Variants in CDH23 observed in about 807,000 individuals in gnomAD.
CDH23 encodes the protein cadherin-23.
Under a neutral mutation model 317.1 loss-of-function variants are expected in CDH23, and 189 were observed. The ratio of observed to expected loss-of-function variants is 0.60; its 90% confidence interval spans 0.53 to 0.67. The LOEUF (loss-of-function observed/expected upper bound fraction) is 0.67. Ranked by LOEUF, CDH23 falls within the 30% of genes least tolerant of loss-of-function variation. The probability of loss-of-function intolerance (pLI) is 0.00; values close to 1 mark genes in which losing one functional copy is unlikely to be tolerated. For missense variants in CDH23, 4,401 were observed against 4,592.4 expected, an observed-to-expected ratio of 0.96 and a Z score of 1.20; for synonymous variants, 1,839 against 1,876.8, an observed-to-expected ratio of 0.98 and a Z score of 0.52.
chr10:71,712,890 T>C, intron 28 of CDH23, 77 bp downstream of exon 28: 1 of 1,529,164 alleles, frequency 6.5e-7, no homozygotes, highest in Non-Finnish European at 8.9e-7. Flanking sequence ...GGGCACATGC[T>C]CAGTGGCACC....
At chr10:71,707,909 T>C (rs956577172) in intron 26 of CDH23, among the ~76,000 whole-genome samples, 2 of 152,152 alleles carry the variant, frequency 1.3e-5, no homozygotes, top group African/African-American at 2.4e-5. Context: ...ACAGCCCATC[T>C]GTGGCTTTGC....
intron 10 of CDH23, 107 bp from the exon 11 acceptor site, chr10:71,617,098 C>A: frequency 7.0e-7 from 1 of 1,421,764 alleles, no homozygotes; most frequent in Non-Finnish European, 9.5e-7. Flanking sequence ...TAGATGGGAT[C>A]ATTCACATTG....
chr10:71,761,758 G>A (rs750196284), intron 38 of CDH23: 19 of 1,614,038 alleles, frequency 1.2e-5, no homozygotes, highest in East Asian at 2.2e-5. Flanking sequence ...ACTCCAGCCC[G>A]TGGCGCTGAG....
chr10:71,683,165 A>T (rs1411564466), intron 18 of CDH23, among the ~76,000 whole-genome samples: 1 of 152,154 alleles, frequency 6.6e-6, no homozygotes, highest in African/African-American at 2.4e-5. Flanking sequence ...CCACACGGGG[A>T]TGCAGAGAGT....
chr10:71,728,925 G>A (rs550937771), intron 30 of CDH23, among the ~76,000 whole-genome samples: 1 of 152,160 alleles, frequency 6.6e-6, no homozygotes, highest in East Asian at 1.9e-4. Context: ...CAAACTCCTG[G>A]GCTCAAGCGA....
chr10:71,783,390 G>A (rs1238757782), intron 41 of CDH23, among the ~76,000 whole-genome samples: 1 of 152,214 alleles, frequency 6.6e-6, no homozygotes, highest in African/African-American at 2.4e-5. Context: ...AGTCCTGTGC[G>A]AGGCAATGGG....
intron 38 of CDH23, among the ~76,000 whole-genome samples, chr10:71,766,072 C>T (rs1231065539): frequency 1.3e-5 from 2 of 152,228 alleles, no homozygotes; most frequent in Non-Finnish European, 2.9e-5. Context: ...GCACGTGCCC[C>T]GCGGACTCCA....
At chr10:71,788,032 C>T (rs1329755465) in intron 44 of CDH23, among the ~76,000 whole-genome samples, 1 of 152,218 alleles carries the variant, frequency 6.6e-6, no homozygotes, top group Non-Finnish European at 1.5e-5. Context: ...TCCCTTTTCT[C>T]TGCATCCTCA....
chr10:71,652,299 A>T (rs1863212510), intron 14 of CDH23, among the ~76,000 whole-genome samples: 1 of 152,178 alleles, frequency 6.6e-6, no homozygotes, highest in South Asian at 2.1e-4. Context: ...GGGCCACAAG[A>T]CATCCAGGGA....
chr10:71,601,037 A>G (rs2132475394), intron 9 of CDH23, among the ~76,000 whole-genome samples: 1 of 152,256 alleles, frequency 6.6e-6, no homozygotes, highest in African/African-American at 2.4e-5. Context: ...CCAAATCTGT[A>G]GTTTTTTTCC....
intron 28 of CDH23, 47 bp from the exon 29 acceptor site, chr10:71,723,998 C>G (rs1185876296): frequency 3.2e-6 from 5 of 1,547,730 alleles, no homozygotes; most frequent in African/African-American, 1.4e-5. Flanking sequence ...TCTTCTCTCC[C>G]TGCTGGGTGG....
chr10:71,745,276 G>A (rs894189520), intron 38 of CDH23, among the ~76,000 whole-genome samples: 7 of 152,350 alleles, frequency 4.6e-5, no homozygotes, highest in East Asian at 1.9e-4. Context: ...CACCTGGGCC[G>A]AGTCTTGTTG....
At chr10:71,502,268 G>T (rs12570322) in intron 3 of CDH23, among the ~76,000 whole-genome samples, 3 of 152,206 alleles carry the variant, frequency 2.0e-5, no homozygotes, top group Admixed American at 2.0e-4. Flanking sequence ...AGTCCTTTTA[G>T]GTCACAGGTT....
At position 71,770,385 on chromosome 10, in the gene CDH23, T is replaced by A. The variant is rs146383072; in HGVS notation, c.4846-7295T>A. On this transcript the variant is annotated intron_variant, in intron 38 of 69. Transcript: ENST00000224721. ...GAGCAGTAAATGGCCATCTTGGGAT[T>A]TAAGCCTAGGTCTGAGTGACTCACA... Among the ~76,000 whole-genome samples the A allele has an allele frequency of 2.4e-3, 360 of 152,338 alleles. 1 individual carries two copies. The highest frequency in any genetic ancestry group is 7.0e-3 in the African/African-American group (292 of 41,572).
rs568921923 is a variant in CDH23, at chr10:71,607,121, C to G, written c.833-8383C>G. 4.7e-4 allele frequency among the ~76,000 whole-genome samples: 71 copies of G among 152,352 alleles called. 1 individual carries two copies. In the South Asian group the frequency reaches 0.01, roughly 22 times the overall value. ...TCAAGGCCCATATCTCATACTGACT[C>G]CCAATTTTCATTATACAGTGATACA... On this transcript the variant is annotated intron_variant, in intron 9 of 69. Transcript: ENST00000224721.
At chr10:71,691,564 A>T (rs1335802572) in intron 20 of CDH23, among the ~76,000 whole-genome samples, 1 of 152,208 alleles carries the variant, frequency 6.6e-6, no homozygotes, top group Non-Finnish European at 1.5e-5. Flanking sequence ...CAACCCATGT[A>T]GATGTTGAGT....
At chr10:71,522,160 G>T (rs915146001) in intron 6 of CDH23, among the ~76,000 whole-genome samples, 1 of 151,336 alleles carries the variant, frequency 6.6e-6, no homozygotes, top group African/African-American at 2.4e-5. Context: ...TTGAGGAAAC[G>T]TATTACTTAA....
At chr10:71,498,449 G>T (rs1853094102) in intron 3 of CDH23, among the ~76,000 whole-genome samples, 1 of 152,236 alleles carries the variant, frequency 6.6e-6, no homozygotes, top group Non-Finnish European at 1.5e-5. Context: ...CTTCCCCAGG[G>T]TCCCGGGGAA....
At chr10:71,741,469 C>T (rs1310833615) in intron 37 of CDH23, among the ~76,000 whole-genome samples, 3 of 152,216 alleles carry the variant, frequency 2.0e-5, no homozygotes, top group African/African-American at 7.2e-5. Context: ...ACCTAACTCA[C>T]AGAGTTGGAG....
Sources: allele counts gnomAD v4.1 joint callset (sites outside exome capture counted in the v4.1 genomes callset), GRCh38; gene constraint gnomAD v4.1.1; transcripts MANE v1.5; gene names NCBI Gene and HGNC (gene_info 2026-07-23, HGNC 2026-07-21).